RIIAD1: variants seen among roughly 807,000 people sequenced by gnomAD.
RIIAD1 encodes RIIa domain-containing protein 1.
In RIIAD1, 15 loss-of-function variants were observed where a neutral mutation model predicts 13.3. The observed-to-expected ratio is 1.13, with a 90% CI of 0.76 to 1.74. The LOEUF is 1.74. RIIAD1 is among the 40% of genes most tolerant of loss of function. The pLI, the probability that RIIAD1 is intolerant of heterozygous loss-of-function variation, is 0.00. For synonymous variants in RIIAD1, 50 were observed against 43.3 expected (o/e 1.16, Z -0.61); for missense variants, 121 against 112.2 (o/e 1.08, Z -0.35).
intron 4 of RIIAD1, chr1:151,714,733 C>T (rs1004588728): frequency 3.4e-6 from 4 of 1,191,154 alleles, no homozygotes; most frequent in East Asian, 2.5e-5. Flanking sequence ...CATCTCCCCT[C>T]TCTGAAAGGC....
intron 2 of RIIAD1, among the ~76,000 whole-genome samples, chr1:151,724,678 A>C (rs1001796153): frequency 3.3e-5 from 5 of 152,228 alleles, no homozygotes; most frequent in African/African-American, 9.6e-5. Flanking sequence ...CCAAACTCTT[A>C]ACACCTTGAG....
intron 1 of RIIAD1, 140 bp downstream of exon 1, chr1:151,721,760 AC>A: frequency 3.8e-6 from 2 of 523,782 alleles, no homozygotes; most frequent in East Asian, 3.3e-5. Flanking sequence ...CGCAGGGGAG[AC>A]CCCCGGCGGA....
intron 3 of RIIAD1, 93 bp downstream of exon 3, chr1:151,727,714 C>CTGA (rs1553274746): frequency 4.1e-6 from 3 of 730,442 alleles, no homozygotes; most frequent in Non-Finnish European, 6.4e-6. Flanking sequence ...AGGATTCTCC[C>CTGA]AGAGTCTGGG....
intron 2 of RIIAD1, among the ~76,000 whole-genome samples, chr1:151,712,324 A>G (rs1333825117): frequency 6.6e-6 from 1 of 152,144 alleles, no homozygotes; most frequent in Non-Finnish European, 1.5e-5. Flanking sequence ...TCTCGCCAAT[A>G]GCAAAAACTC....
At chr1:151,719,586 T>G (rs575044566), upstream of RIIAD1, 103 of 702,356 alleles carry the variant, frequency 1.5e-4, 1 homozygote, top group South Asian at 1.4e-3. Context: ...GCTTCCCTGA[T>G]TGAATACAGA....
upstream of RIIAD1, among the ~76,000 whole-genome samples, chr1:151,717,494 AGGCGGCGCCGCGGG>A: frequency 6.6e-6 from 1 of 152,352 alleles, no homozygotes; most frequent in South Asian, 2.1e-4. Context: ...GAGGCCGCGG[AGGCGGCGCCGCGGG>A]CGCTCTCACT....
intron 4 of RIIAD1, chr1:151,715,532 A>C: frequency 9.6e-7 from 1 of 1,044,218 alleles, no homozygotes; most frequent in Non-Finnish European, 1.3e-6. Flanking sequence ...GCACACACAC[A>C]CACACCCCTA....
At chr1:151,719,534 T>C (rs1673696929), upstream of RIIAD1, 20 of 658,292 alleles carry the variant, frequency 3.0e-5, no homozygotes, top group South Asian at 3.3e-4. Context: ...CAAAATGTGG[T>C]GGTATGTGTG....
At chr1:151,716,858 A>G (rs1017449983), upstream of RIIAD1, 3 of 447,684 alleles carry the variant, frequency 6.7e-6, no homozygotes, top group Non-Finnish European at 1.4e-5. Flanking sequence ...GACATCAGTG[A>G]TGTCAGTCTC....
upstream of RIIAD1, among the ~76,000 whole-genome samples, chr1:151,717,231 G>T (rs1343201871): frequency 6.6e-6 from 1 of 152,222 alleles, no homozygotes; most frequent in South Asian, 2.1e-4. Context: ...GAGAAAGGAC[G>T]GTTGCATAGG....
At chr1:151,727,512 C>CA (rs1161965395) in intron 2 of RIIAD1, 63 bp from the exon 3 acceptor site, 1 of 1,109,944 alleles carries the variant, frequency 9.0e-7, no homozygotes, top group African/African-American at 1.6e-5. Context: ...GGACCTGAAA[C>CA]AGTAGCCACA....
chr1:151,724,976 AT>A lies in RIIAD1; in HGVS notation c.162-2586del, dbSNP rs879286538. The stretch of plus-strand genomic sequence containing the variant: ...CACCACGCCCGGCTAATTATTTTGC[AT>A]TTTTTTTTTTTTAGTAGAGACGGGG... On this transcript the variant is annotated intron_variant, in intron 2 of 4. Transcript: ENST00000479191. 3.9e-3 allele frequency among the ~76,000 whole-genome samples: 530 copies of A among 137,328 alleles called. 2 individuals carry two copies. Among genetic ancestry groups the A allele is most frequent in the Middle Eastern group, 0.012 (3 of 250 alleles). The allele number at this position is 137,328 out of a possible 152,430, so 90.1% of individuals were successfully genotyped here. A position where few individuals can be genotyped will look rare whatever the true frequency, so the allele number is the denominator to read the frequency against.
At chr1:151,721,871 G>C (rs1419809560) in intron 1 of RIIAD1, 1 of 594,506 alleles carries the variant, frequency 1.7e-6, no homozygotes, top group African/African-American at 1.9e-5. Context: ...CGAAATTACT[G>C]CCAGACACAT....
At chr1:151,719,736 T>TA (rs778140025), upstream of RIIAD1, 38 of 656,288 alleles carry the variant, frequency 5.8e-5, no homozygotes, top group Non-Finnish European at 9.9e-5. Context: ...GAGACGCTGT[T>TA]AAAAAAACAA....
chr1:151,712,333 T>C (rs1001857224), intron 2 of RIIAD1, among the ~76,000 whole-genome samples: 1 of 152,108 alleles, frequency 6.6e-6, no homozygotes, highest in Non-Finnish European at 1.5e-5. Context: ...TAGCAAAAAC[T>C]CCACTTCCAA....
Position 151,728,906 on chromosome 1 carries a change from C to A in RIIAD1, c.*57+13C>A. 1.2e-6 allele frequency: 1 copy of A among 831,148 alleles called. No individual in the cohort carries two copies. Among genetic ancestry groups the A allele is most frequent in the Non-Finnish European group, 2.0e-6 (1 of 490,998 alleles). 51.5% of individuals were successfully genotyped at this position (831,148 alleles called of 1,614,324 possible). On this transcript the variant is annotated intron_variant, in intron 4 of 4. Transcript: ENST00000479191. ...ATCCAGCCTCGGGGTGGGTGTTAAC[C>A]TCACTTACAGACAGAGGCTTCTTTA...
upstream of RIIAD1, chr1:151,716,809 C>G (rs1558114982): frequency 2.1e-6 from 1 of 467,120 alleles, no homozygotes. Context: ...AAACCTCCCC[C>G]CTCCACACCC....
intron 1 of RIIAD1, 88 bp from the exon 2 acceptor site, chr1:151,721,998 A>C: frequency 1.1e-6 from 1 of 908,210 alleles, no homozygotes; most frequent in South Asian, 1.4e-5. Flanking sequence ...TTAAATGCGC[A>C]CGCCGTTTCC....
upstream of RIIAD1, among the ~76,000 whole-genome samples, chr1:151,718,872 T>G (rs1673677693): frequency 1.3e-5 from 2 of 152,170 alleles, no homozygotes; most frequent in Non-Finnish European, 2.9e-5. Flanking sequence ...ATCTTGGTAT[T>G]TATGGAGATG....
Sources: allele counts gnomAD v4.1 joint callset (sites outside exome capture counted in the v4.1 genomes callset), GRCh38; gene constraint gnomAD v4.1.1; transcripts MANE v1.5; gene names NCBI Gene and HGNC (gene_info 2026-07-23, HGNC 2026-07-21).